Variants in PDGFRA observed in about 807,000 individuals in gnomAD.
PDGFRA encodes platelet-derived growth factor receptor alpha.
Under a neutral mutation model 121.5 loss-of-function variants are expected in PDGFRA, and 25 were observed. That is an observed-to-expected ratio of 0.21 (90% CI 0.15 to 0.29). The LOEUF is 0.29. Among genes scored for constraint, PDGFRA ranks in the 10% least tolerant of loss-of-function variants. The pLI is 1.00. For missense variants in PDGFRA, 1,008 were observed against 1,345.1 expected, an observed-to-expected ratio of 0.75 and a Z score of 3.92; for synonymous variants, 463 against 494.8, an observed-to-expected ratio of 0.94 and a Z score of 0.85.
chr4:54,291,701 A>G (rs1476975674), intron 22 of PDGFRA, among the ~76,000 whole-genome samples: 2 of 152,204 alleles, frequency 1.3e-5, no homozygotes, highest in Non-Finnish European at 2.9e-5. Flanking sequence ...TAGTTCAGCT[A>G]TTGTGGAAAG....
Position 54,280,491 on chromosome 4 carries a change from G to A in PDGFRA, c.2323+9G>A, listed in dbSNP as rs758355458. 1.2e-6 allele frequency: 2 copies of A among 1,605,870 alleles called. No individual in the cohort carries two copies. Among genetic ancestry groups the A allele is most frequent in the Non-Finnish European group, 1.7e-6 (2 of 1,173,112 alleles). On this transcript the variant is annotated intron_variant, in intron 16 of 22. Coordinates refer to ENST00000257290, the MANE Select transcript of PDGFRA (RefSeq NM_006206.6). ...GAAGAAATCTATGTTAGGTAAAAGT[G>A]TCTATACTCACTCTGGGTGTTGGGA...
chr4:54,241,514 AATTTATTTATTTATTT>A (rs34623203), intron 1 of PDGFRA, among the ~76,000 whole-genome samples: 98 of 148,468 alleles, frequency 6.6e-4, no homozygotes, highest in Admixed American at 2.7e-3. Context: ...ACTGAAAGGA[AATTTATTTATTTATTT>A]ATTTATTTAT....
chr4:54,280,171 T>A (rs1345581104), intron 15 of PDGFRA, 145 bp from the exon 16 acceptor site: 6 of 652,360 alleles, frequency 9.2e-6, no homozygotes, highest in South Asian at 1.7e-5. Context: ...GATCACCTCA[T>A]GTGAAAGGTA....
chr4:54,256,719 C>G (rs1364560535), intron 1 of PDGFRA, among the ~76,000 whole-genome samples: 8 of 151,642 alleles, frequency 5.3e-5, no homozygotes, highest in Non-Finnish European at 8.8e-5. Context: ...GTGATAAAGA[C>G]CCCAGGATGC....
At chr4:54,260,397 GTTTTTTTTTTTTTT>G (rs68009440) in intron 2 of PDGFRA, among the ~76,000 whole-genome samples, 10 of 64,566 alleles carry the variant, frequency 1.5e-4, no homozygotes, top group South Asian at 6.2e-4. Context: ...TTCCATGTGG[GTTTTTTTTTTTTTT>G]TTTTTTTTTT....
intron 2 of PDGFRA, among the ~76,000 whole-genome samples, chr4:54,259,078 T>C (rs1722539120): frequency 6.6e-6 from 1 of 152,208 alleles, no homozygotes; most frequent in Non-Finnish European, 1.5e-5. Flanking sequence ...TTGTTAGTAA[T>C]AATGTCTAAA....
intron 1 of PDGFRA, among the ~76,000 whole-genome samples, chr4:54,256,203 T>G (rs1050285584): frequency 4.6e-5 from 7 of 152,070 alleles, no homozygotes; most frequent in Non-Finnish European, 8.8e-5. Flanking sequence ...GGCAACATAG[T>G]GAGACCTCAT....
chr4:54,231,697 C>G (rs1340406442), intron 1 of PDGFRA, among the ~76,000 whole-genome samples: 2 of 152,274 alleles, frequency 1.3e-5, no homozygotes, highest in African/African-American at 4.8e-5. Flanking sequence ...TCAGGCCCTG[C>G]TTCGGAGCTT....
chr4:54,261,441 C>T (rs1722710854), intron 3 of PDGFRA, 29 bp downstream of exon 3: 3 of 1,469,140 alleles, frequency 2.0e-6, no homozygotes, highest in South Asian at 1.1e-5. Context: ...CAGGACCAAG[C>T]TTCTTCTCTT....
chr4:54,255,245 TTC>T (rs1159692306), intron 1 of PDGFRA, among the ~76,000 whole-genome samples: 1 of 152,164 alleles, frequency 6.6e-6, no homozygotes, highest in Non-Finnish European at 1.5e-5. Context: ...AAATAATGAT[TTC>T]TTTTTGTTCT....
rs1346695284 is a variant in PDGFRA at position 54,285,251 on chromosome 4, C to A, written c.2324-120C>A. The A allele has an allele frequency of 1.9e-5, 13 of 701,474 alleles. No homozygotes were observed. In the East Asian group the frequency reaches 3.4e-4, roughly 19 times the overall value. The allele number at this position is 701,474 out of a possible 1,614,324, so 43.5% of individuals were successfully genotyped here. A position where few individuals can be genotyped will look rare whatever the true frequency, so the allele number is the denominator to read the frequency against. On this transcript the variant is annotated intron_variant, in intron 16 of 22. Coordinates refer to ENST00000257290, the MANE Select transcript of PDGFRA (RefSeq NM_006206.6). Reference sequence around the variant, plus strand: ...GCATAGTGATATTCATCTGTGAGATCTAAACATTCTACAAAAAAATTAAGA... The same window carrying A: ...GCATAGTGATATTCATCTGTGAGATATAAACATTCTACAAAAAAATTAAGA...
At chr4:54,244,941 T>C (rs944560950) in intron 1 of PDGFRA, among the ~76,000 whole-genome samples, 3 of 152,122 alleles carry the variant, frequency 2.0e-5, no homozygotes, top group Non-Finnish European at 4.4e-5. Context: ...TAGGAGCTGA[T>C]GCGATCAACT....
At chr4:54,232,465 C>T (rs1300736694) in intron 1 of PDGFRA, among the ~76,000 whole-genome samples, 1 of 152,224 alleles carries the variant, frequency 6.6e-6, no homozygotes, top group African/African-American at 2.4e-5. Flanking sequence ...GCCTCCTTCC[C>T]TGCCTCCTAC....
rs1283099915 is a variant in PDGFRA at position 54,234,484 on chromosome 4, G to A, written c.-13+5069G>A. ...ACCCGCTGTGAGAATGGGCTTCGCG[G>A]AGACCATTAGGAAGGTGCTTTATTT... On this transcript the variant is annotated intron_variant, in intron 1 of 22. Coordinates refer to ENST00000257290, the MANE Select transcript of PDGFRA (RefSeq NM_006206.6). Among the ~76,000 whole-genome samples the A allele has an allele frequency of 2.6e-5, 4 of 152,200 alleles. No homozygotes were observed. Among genetic ancestry groups the A allele is most frequent in the Non-Finnish European group, 5.9e-5 (4 of 68,044 alleles).
At chr4:54,272,307 T>G in intron 8 of PDGFRA, 87 bp from the exon 9 acceptor site, 2 of 1,434,616 alleles carry the variant, frequency 1.4e-6, no homozygotes, top group Non-Finnish European at 2.0e-6. Flanking sequence ...GCCATGTAGA[T>G]GAGTTGTGAA....
In PDGFRA at chr4:54,239,794, C is replaced by T. The variant is rs1343598471; in HGVS notation, c.-13+10379C>T. 2.6e-5 allele frequency among the ~76,000 whole-genome samples: 4 copies of T among 152,130 alleles called. No homozygotes were observed. The East Asian group carries it at 7.7e-4, about 29-fold the overall frequency. The stretch of plus-strand genomic sequence containing the variant: ...TCTTTTGCAACCCACCTTGTCATCC[C>T]TTCTCTGGGACCTTTTCTCTTTAGT... On this transcript the variant is annotated intron_variant, in intron 1 of 22. Coordinates refer to ENST00000257290, the MANE Select transcript of PDGFRA (RefSeq NM_006206.6).
In PDGFRA at chr4:54,290,371, T is replaced by C. The variant is rs1381392993; in HGVS notation, c.2939T>C (p.Met980Thr). ...AGTGACCATCCTGCTGTGGCACGCA[T>C]GCGTGTGGACTCAGACAATGCATAC... ...LKSDHPAVARMRVDSDNAYIG... is the reference protein window; with the variant it reads ...LKSDHPAVARTRVDSDNAYIG... Residue 980 changes from methionine (M) to threonine (T), a missense_variant, in exon 22 of 23, where the codon ATG becomes ACG. By Grantham distance (81) the Met-to-Thr change is moderately conservative. Transcript: ENST00000257290. The C allele has an allele frequency of 3.7e-6, 6 of 1,613,142 alleles. No homozygotes were observed. Among genetic ancestry groups the C allele is most frequent in the Middle Eastern group, 3.3e-4 (2 of 6,058 alleles).
Position 54,295,268 on chromosome 4 carries a change from T to C in PDGFRA, c.3266T>C (p.Leu1089Pro). 1 of 1,614,126 alleles carries C rather than the reference T, an allele frequency of 6.2e-7. No individual in the cohort carries two copies. Among genetic ancestry groups the C allele is most frequent in the Non-Finnish European group, 8.5e-7 (1 of 1,179,994 alleles). ...DSSDLVEDSF[L>P] is the part of the protein sequence containing the mutation. Reference sequence around the variant, plus strand: ...TCAGACCTGGTGGAAGACAGCTTCCTGTAACTGGCGGATTCGAGGGGTTCC... The same window carrying C: ...TCAGACCTGGTGGAAGACAGCTTCCCGTAACTGGCGGATTCGAGGGGTTCC... Residue 1089 changes from leucine (L) to proline (P), a missense_variant, in exon 23 of 23, where the codon CTG becomes CCG. This residue lies in a region of PDGFRA where 204 missense variants were observed against 243.0 expected (regional missense o/e 0.84). Transcript: ENST00000257290.
chr4:54,239,291 AATAACTATAG>A, intron 1 of PDGFRA, among the ~76,000 whole-genome samples: 1 of 152,352 alleles, frequency 6.6e-6, no homozygotes, highest in Non-Finnish European at 1.5e-5. Flanking sequence ...ATAATCAAGA[AATAACTATAG>A]GTATACTCAC....
Sources: allele counts gnomAD v4.1 joint callset (sites outside exome capture counted in the v4.1 genomes callset), GRCh38; gene constraint gnomAD v4.1.1; regional missense constraint gnomAD v4.1.1; transcripts MANE v1.5; gene names NCBI Gene and HGNC (gene_info 2026-07-23, HGNC 2026-07-21).